FAM169A: variants seen among roughly 807,000 people sequenced by gnomAD.
FAM169A encodes soluble lamin-associated protein of 75 kDa.
Under a neutral mutation model 75.7 loss-of-function variants are expected in FAM169A, and 24 were observed. The ratio of observed to expected loss-of-function variants is 0.32; its 90% CI spans 0.23 to 0.45. FAM169A has a LOEUF of 0.45. Among genes scored for constraint, FAM169A ranks in the 20% least tolerant of loss-of-function variants. The probability of loss-of-function intolerance (pLI) is 1.00; values close to 1 mark genes in which losing one functional copy is unlikely to be tolerated. For missense variants in FAM169A, 673 were observed against 784.0 expected, an observed-to-expected ratio of 0.86 and a Z score of 1.69; for synonymous variants, 271 against 271.0, an observed-to-expected ratio of 1.00 and a Z score of 0.00.
chr5:74,842,890 C>T (rs1424444151), intron 1 of FAM169A, among the ~76,000 whole-genome samples: 1 of 151,908 alleles, frequency 6.6e-6, no homozygotes, highest in Admixed American at 6.6e-5. Flanking sequence ...AGGGTAGAAG[C>T]GAAGCTATTG....
At chr5:74,786,569 T>G (rs530983738) in intron 11 of FAM169A, among the ~76,000 whole-genome samples, 1 of 152,194 alleles carries the variant, frequency 6.6e-6, no homozygotes, top group Non-Finnish European at 1.5e-5. Flanking sequence ...CATAATACCT[T>G]TGACCATATG....
chr5:74,810,506 T>G (rs1401855937), intron 6 of FAM169A, among the ~76,000 whole-genome samples: 2 of 151,900 alleles, frequency 1.3e-5, no homozygotes, highest in East Asian at 3.9e-4. Flanking sequence ...TCCTACCACT[T>G]TGGGAGTCCG....
chr5:74,807,383 C>T (rs892441586), intron 6 of FAM169A, among the ~76,000 whole-genome samples: 11 of 152,266 alleles, frequency 7.2e-5, no homozygotes, highest in East Asian at 1.9e-4. Flanking sequence ...GTTGCCCTTG[C>T]GATCACCTGG....
At chr5:74,818,666 A>C (rs142994710) in intron 5 of FAM169A, among the ~76,000 whole-genome samples, 239 of 150,534 alleles carry the variant, frequency 1.6e-3, no homozygotes, top group Non-Finnish European at 1.6e-3. Flanking sequence ...AATAGGCAGC[A>C]AAGTGTTTCC....
intron 10 of FAM169A, chr5:74,798,908 C>A (rs1298535658): frequency 6.0e-6 from 4 of 662,302 alleles, no homozygotes; most frequent in African/African-American, 1.8e-5. Flanking sequence ...TTCACATCGA[C>A]TGCCCAGAGT....
chr5:74,843,495 G>C (rs1163860639), intron 1 of FAM169A, among the ~76,000 whole-genome samples: 1 of 152,062 alleles, frequency 6.6e-6, no homozygotes, highest in Non-Finnish European at 1.5e-5. Flanking sequence ...TCAACAAATG[G>C]AACAAGATAT....
chr5:74,788,232 G>A (rs62366416), intron 11 of FAM169A, among the ~76,000 whole-genome samples: 12,944 of 152,148 alleles, frequency 0.085, 686 homozygotes, highest in Admixed American at 0.16. Flanking sequence ...ACTTACAGTC[G>A]GTCCAGTGGG....
chr5:74,824,308 C>T (rs1747908781), intron 5 of FAM169A, among the ~76,000 whole-genome samples: 1 of 152,096 alleles, frequency 6.6e-6, no homozygotes, highest in Non-Finnish European at 1.5e-5. Context: ...CAATTGTGTT[C>T]TCTGAGCTTA....
chr5:74,821,159 T>TA (rs1373469800), intron 5 of FAM169A, among the ~76,000 whole-genome samples: 1 of 152,218 alleles, frequency 6.6e-6, no homozygotes, highest in East Asian at 1.9e-4. Flanking sequence ...TGTCTCCTTC[T>TA]AAAATCTAAG....
chr5:74,815,860 G>A (rs1382926875), intron 5 of FAM169A, among the ~76,000 whole-genome samples: 2 of 152,152 alleles, frequency 1.3e-5, no homozygotes, highest in African/African-American at 4.8e-5. Context: ...GGCAACATCA[G>A]GAAGTTACCC....
intron 11 of FAM169A, among the ~76,000 whole-genome samples, chr5:74,788,095 G>C (rs1745786725): frequency 2.0e-5 from 3 of 152,174 alleles, no homozygotes; most frequent in African/African-American, 7.2e-5. Context: ...AGACATTTCA[G>C]GGACTACTGG....
chr5:74,855,649 T>C (rs1452780241), intron 1 of FAM169A, among the ~76,000 whole-genome samples: 6 of 152,248 alleles, frequency 3.9e-5, no homozygotes, highest in African/African-American at 2.4e-5. Flanking sequence ...TTTTCAACTA[T>C]TGAGTTGTCT....
chr5:74,796,069 C>T lies in FAM169A; in HGVS notation c.1221G>A (p.Leu407=). The change falls in exon 11 of 13, where the codon CTG becomes CTA. Residue 407 remains leucine, a synonymous_variant. Transcript: ENST00000687041. ...GCTTCTCTTGCTGTGGCTGGGTTTCCAGTGCTGGCCGTGCATCTCTATCAC... is the reference window on the plus strand; with the variant it reads ...GCTTCTCTTGCTGTGGCTGGGTTTCTAGTGCTGGCCGTGCATCTCTATCAC... ...ESSDRDARPA[L]ETQPQQEKQD... 6.2e-7 allele frequency: 1 copy of T among 1,614,008 alleles called. No individual in the cohort carries two copies. Among genetic ancestry groups the T allele is most frequent in the Non-Finnish European group, 8.5e-7 (1 of 1,179,978 alleles).
At chr5:74,826,291 C>A (rs960055729) in intron 5 of FAM169A, among the ~76,000 whole-genome samples, 1 of 152,196 alleles carries the variant, frequency 6.6e-6, no homozygotes, top group African/African-American at 2.4e-5. Flanking sequence ...CCATTTTTCA[C>A]ATCAGTGGCC....
intron 2 of FAM169A, among the ~76,000 whole-genome samples, chr5:74,841,001 T>C (rs535505121): frequency 2.0e-5 from 3 of 152,130 alleles, no homozygotes; most frequent in Non-Finnish European, 4.4e-5. Flanking sequence ...GGGAAGACTT[T>C]AAAAAATTCT....
intron 6 of FAM169A, among the ~76,000 whole-genome samples, chr5:74,809,206 T>C (rs1747040943): frequency 6.6e-6 from 1 of 152,058 alleles, no homozygotes. Context: ...AAAACTTACT[T>C]GCAAAAAATG....
intron 1 of FAM169A, chr5:74,865,320 C>T (rs1257874121): frequency 6.6e-6 from 1 of 152,182 alleles, no homozygotes; most frequent in Non-Finnish European, 1.5e-5. Flanking sequence ...CCCCAAAAAC[C>T]CGTACACACG....
At chr5:74,843,548 G>C (rs1240250516) in intron 1 of FAM169A, among the ~76,000 whole-genome samples, 1 of 152,126 alleles carries the variant, frequency 6.6e-6, no homozygotes, top group African/African-American at 2.4e-5. Flanking sequence ...TAATAATGGA[G>C]ACATCTCATT....
At chr5:74,813,421 G>A (rs1382376905) in intron 6 of FAM169A, among the ~76,000 whole-genome samples, 3 of 152,022 alleles carry the variant, frequency 2.0e-5, no homozygotes, top group Non-Finnish European at 4.4e-5. Flanking sequence ...CTGCCTCCCG[G>A]ATTCAAGCAA....
Sources: gnomAD v4.1 joint callset for allele counts (sites outside exome capture counted in the v4.1 genomes callset) on GRCh38, gnomAD v4.1.1 for gene constraint, MANE v1.5 for transcripts, NCBI Gene and HGNC (gene_info 2026-07-23, HGNC 2026-07-21) for gene names.